Variants in OR10J1 observed in about 807,000 individuals in gnomAD.
OR10J1 encodes the protein olfactory receptor family 10 subfamily J member 1, also known as olfactory receptor 10J1.
For missense variants in OR10J1, 474 were observed against 376.6 expected (o/e 1.26, Z -2.14); for synonymous variants, 202 against 143.8 (o/e 1.40, Z -2.89).
chr1:159,407,046 T>G, the OR10J1 span, among the ~76,000 whole-genome samples: 1 of 152,124 alleles, frequency 6.6e-6, no homozygotes, highest in East Asian at 1.9e-4. Flanking sequence ...CAAACATTTC[T>G]GCAATAGAAA....
chr1:159,408,964 A>G, the OR10J1 span, among the ~76,000 whole-genome samples: 1 of 152,000 alleles, frequency 6.6e-6, no homozygotes, highest in Non-Finnish European at 1.5e-5. Context: ...AAGAAAGAGA[A>G]ACCAAGCTAT....
chr1:159,404,199 C>A, the OR10J1 span, among the ~76,000 whole-genome samples: 1 of 151,958 alleles, frequency 6.6e-6, no homozygotes, highest in Admixed American at 6.6e-5. Flanking sequence ...TTTGATAGCA[C>A]AACAGGATGA....
chr1:159,406,920 C>T, the OR10J1 span, among the ~76,000 whole-genome samples: 1 of 152,122 alleles, frequency 6.6e-6, no homozygotes, highest in Non-Finnish European at 1.5e-5. Context: ...AGCTCTGCTC[C>T]TTTAGATGAC....
Position 159,440,542 on chromosome 1 carries a change from T to C in OR10J1, c.751T>C (p.Tyr251His), listed in dbSNP as rs1338853745. 1.2e-6 allele frequency: 2 copies of C among 1,614,002 alleles called. No homozygotes were observed. The highest frequency in any genetic ancestry group is 3.3e-5 in the Admixed American group (2 of 59,990). Residue 251 changes from tyrosine to histidine, a missense_variant, in exon 1 of 1, where the codon TAC becomes CAC. Coordinates refer to ENST00000423932, the MANE Select transcript of OR10J1 (RefSeq NM_012351.3). ...ASHLTVVIVH[Y>H]SCASIAYLKP... is the part of the protein sequence containing the mutation. ...CCACCTCACTGTGGTCATTGTCCACTACAGCTGTGCCTCCATTGCCTACCT... is the reference window on the plus strand; with the variant it reads ...CCACCTCACTGTGGTCATTGTCCACCACAGCTGTGCCTCCATTGCCTACCT...
chr1:159,402,698 C>T, the OR10J1 span, among the ~76,000 whole-genome samples: 1 of 151,996 alleles, frequency 6.6e-6, no homozygotes, highest in Non-Finnish European at 1.5e-5. Context: ...AAGCTGTCTA[C>T]AGATTCAATG....
the OR10J1 span, among the ~76,000 whole-genome samples, chr1:159,404,801 T>C: frequency 2.6e-5 from 4 of 152,152 alleles, no homozygotes; most frequent in Non-Finnish European, 5.9e-5. Flanking sequence ...TATATGTGCT[T>C]TAGTATTTTC....
chr1:159,420,060 G>C, the OR10J1 span, among the ~76,000 whole-genome samples: 1 of 152,084 alleles, frequency 6.6e-6, no homozygotes, highest in East Asian at 1.9e-4. Flanking sequence ...TTTCTCTGTT[G>C]TTATTATATA....
the OR10J1 span, among the ~76,000 whole-genome samples, chr1:159,424,103 C>T: frequency 6.6e-6 from 1 of 151,806 alleles, no homozygotes; most frequent in Non-Finnish European, 1.5e-5. Context: ...GTAATCCCAG[C>T]TACTCAGGAG....
chr1:159,404,008 A>G, the OR10J1 span, among the ~76,000 whole-genome samples: 2 of 152,170 alleles, frequency 1.3e-5, no homozygotes, highest in Non-Finnish European at 2.9e-5. Flanking sequence ...GAAATAAGCC[A>G]GGCACAGGAA....
the OR10J1 span, among the ~76,000 whole-genome samples, chr1:159,415,257 G>A: frequency 6.6e-6 from 1 of 152,034 alleles, no homozygotes; most frequent in African/African-American, 2.4e-5. Context: ...TATGGTGAGA[G>A]ATAGAAGCCC....
At chr1:159,428,599 C>T in the OR10J1 span, among the ~76,000 whole-genome samples, 5 of 152,158 alleles carry the variant, frequency 3.3e-5, no homozygotes, top group African/African-American at 1.2e-4. Flanking sequence ...CCTTTAGCTG[C>T]TCCCTAAAGG....
At chr1:159,425,270 G>A in the OR10J1 span, among the ~76,000 whole-genome samples, 40 of 152,120 alleles carry the variant, frequency 2.6e-4, no homozygotes, top group East Asian at 7.3e-3. Context: ...AACTAACACA[G>A]GTGAGAGACA....
Position 159,440,374 on chromosome 1 carries a change from G to A in OR10J1, c.583G>A (p.Glu195Lys), listed in dbSNP as rs1655901413. 1 of 1,614,142 alleles carries A rather than the reference G, an allele frequency of 6.2e-7. No individual in the cohort carries two copies. The highest frequency in any genetic ancestry group is 1.1e-5 in the South Asian group (1 of 91,080). Reference protein sequence around the residue: ...KLSCIDTTVNEILTLIISVLV... With the variant: ...KLSCIDTTVNKILTLIISVLV... ...CTCCTGCATTGACACCACTGTCAAT[G>A]AAATCCTGACTTTGATTATCAGTGT... is the stretch of plus-strand genomic sequence containing the variant. The change falls in exon 1 of 1, where the codon GAA becomes AAA. Residue 195 changes from glutamate to lysine, a missense_variant. By Grantham distance (56) the Glu-to-Lys change is moderately conservative. Transcript: ENST00000423932.
chr1:159,416,201 C>T, the OR10J1 span, among the ~76,000 whole-genome samples: 4 of 151,960 alleles, frequency 2.6e-5, no homozygotes, highest in South Asian at 6.2e-4. Flanking sequence ...GCTCTGGCTG[C>T]GACTTCTATT....
the OR10J1 span, among the ~76,000 whole-genome samples, chr1:159,419,012 T>A: frequency 6.6e-6 from 1 of 152,186 alleles, no homozygotes; most frequent in Non-Finnish European, 1.5e-5. Flanking sequence ...CTATTTAGAA[T>A]GAGTGTATTT....
chr1:159,402,344 T>A, the OR10J1 span, among the ~76,000 whole-genome samples: 12 of 152,082 alleles, frequency 7.9e-5, no homozygotes, highest in African/African-American at 2.7e-4. Flanking sequence ...TGCTATGATC[T>A]TATATTTGGG....
At chr1:159,405,557 G>T in the OR10J1 span, 1 of 364,590 alleles carries the variant, frequency 2.7e-6, no homozygotes, top group Non-Finnish European at 5.6e-6. Context: ...ACTGAGATGA[G>T]TCTGTTCTGC....
chr1:159,436,100 A>G (rs757804092), upstream of OR10J1, among the ~76,000 whole-genome samples: 13 of 152,084 alleles, frequency 8.5e-5, no homozygotes, highest in Non-Finnish European at 1.8e-4. Flanking sequence ...ACATTTTTAT[A>G]TCATCAACCC....
the OR10J1 span, among the ~76,000 whole-genome samples, chr1:159,409,884 T>C: frequency 6.6e-6 from 1 of 152,120 alleles, no homozygotes; most frequent in Non-Finnish European, 1.5e-5. Context: ...CAATACCTAA[T>C]TTATTGAGAG....
Sources: gnomAD v4.1 joint callset for allele counts (sites outside exome capture counted in the v4.1 genomes callset) on GRCh38, gnomAD v4.1.1 for gene constraint, MANE v1.5 for transcripts, NCBI Gene and HGNC (gene_info 2026-07-23, HGNC 2026-07-21) for gene names.